Variants in PARD3B observed in about 807,000 individuals in gnomAD.
The protein encoded by PARD3B is partitioning defective 3 homolog B.
A neutral mutation model predicts 130.2 loss-of-function variants in PARD3B; 103 were observed. The ratio of observed to expected loss-of-function variants is 0.79; its 90% confidence interval spans 0.67 to 0.93. The LOEUF is 0.93. Ranked by LOEUF, PARD3B falls within the 40% of genes least tolerant of loss-of-function variation. The pLI, the probability that PARD3B is intolerant of heterozygous loss-of-function variation, is 0.00. For synonymous variants in PARD3B, 583 were observed against 553.2 expected (o/e 1.05, Z -0.76); for missense variants, 1,609 against 1,499.2 (o/e 1.07, Z -1.21).
chr2:204,759,504 A>G (rs1393107726), intron 2 of PARD3B, among the ~76,000 whole-genome samples: 1 of 152,090 alleles, frequency 6.6e-6, no homozygotes, highest in Non-Finnish European at 1.5e-5. Flanking sequence ...ATTATTTGAT[A>G]TATCTTGGAG....
At chr2:204,644,066 A>C (rs1209877427) in intron 1 of PARD3B, among the ~76,000 whole-genome samples, 2 of 152,150 alleles carry the variant, frequency 1.3e-5, no homozygotes, top group African/African-American at 4.8e-5. Flanking sequence ...TCTCTGAAGG[A>C]GGCTTGTTTT....
chr2:204,612,509 T>A (rs1283345772), intron 1 of PARD3B, among the ~76,000 whole-genome samples: 1 of 152,242 alleles, frequency 6.6e-6, no homozygotes, highest in Non-Finnish European at 1.5e-5. Flanking sequence ...TTTGATCTTC[T>A]TAGCTTTTCA....
intron 21 of PARD3B, among the ~76,000 whole-genome samples, chr2:205,511,943 T>G (rs1052590529): frequency 6.6e-6 from 1 of 152,220 alleles, no homozygotes; most frequent in Admixed American, 6.6e-5. Context: ...AGAGTCGTTC[T>G]GAGATTTAAC....
At chr2:205,548,072 T>C (rs2052453873) in intron 21 of PARD3B, among the ~76,000 whole-genome samples, 1 of 152,204 alleles carries the variant, frequency 6.6e-6, no homozygotes, top group Non-Finnish European at 1.5e-5. Flanking sequence ...CCTGGTTTTC[T>C]TCTGAACCAA....
intron 2 of PARD3B, among the ~76,000 whole-genome samples, chr2:204,783,223 C>T (rs144819576): frequency 1.3e-5 from 2 of 152,120 alleles, no homozygotes; most frequent in African/African-American, 4.8e-5. Flanking sequence ...TCAAACTGAC[C>T]CAAATGGAGG....
intron 1 of PARD3B, among the ~76,000 whole-genome samples, chr2:204,649,588 T>C (rs552386503): frequency 6.6e-6 from 1 of 151,514 alleles, no homozygotes; most frequent in African/African-American, 2.4e-5. Flanking sequence ...TGGAACAGAA[T>C]AGAGAGCCCA....
rs1174164857 is a variant in PARD3B at position 205,301,791 on chromosome 2, G to A, written c.2630+90G>A. The stretch of plus-strand genomic sequence containing the variant: ...TGTCTGTACTCAGAAAAAAGCGCAC[G>A]CTTTTCCTCGTCTTCAGCCAAATGC... On this transcript the variant is annotated intron_variant, in intron 18 of 22. Transcript: ENST00000406610. This position sits in a 1 kb window ranked among gnomAD's most constrained non-coding sequence, Gnocchi z 5.2. 1.6e-5 allele frequency: 26 copies of A among 1,596,830 alleles called. No individual in the cohort carries two copies. Among genetic ancestry groups the A allele is most frequent in the Middle Eastern group, 1.7e-4 (1 of 6,024 alleles).
At chr2:204,764,446 G>A (rs2041046162) in intron 2 of PARD3B, among the ~76,000 whole-genome samples, 1 of 152,092 alleles carries the variant, frequency 6.6e-6, no homozygotes, top group Admixed American at 6.6e-5. Context: ...TCCCTTTTCT[G>A]TGCCTGCAGC....
intron 21 of PARD3B, among the ~76,000 whole-genome samples, chr2:205,546,405 TA>T (rs2052381564): frequency 6.6e-6 from 1 of 151,022 alleles, no homozygotes; most frequent in South Asian, 2.1e-4. Context: ...GTCACTACAT[TA>T]AAAAGAAAAA....
rs557143420 is a variant in PARD3B, at chr2:204,820,071, C to CTTTTTT, written c.222+133805_222+133810dup. The stretch of plus-strand genomic sequence containing the variant: ...GAAGGTGGCTACATTAAACAATAGA[C>CTTTTTT]TTTTTTTTTTTTTTTTTTTTTGAGA... On this transcript the variant is annotated intron_variant, in intron 2 of 22. Coordinates refer to ENST00000406610, the MANE Select transcript of PARD3B (RefSeq NM_001302769.2). Among the ~76,000 whole-genome samples, 866 of 98,356 alleles carry CTTTTTT rather than the reference C, an allele frequency of 8.8e-3. 127 individuals carry two copies. Among genetic ancestry groups the CTTTTTT allele is most frequent in the African/African-American group, 0.036 (804 of 22,380 alleles). 64.5% of individuals were successfully genotyped at this position (98,356 alleles called of 152,430 possible). A position where few individuals can be genotyped will look rare whatever the true frequency, so the allele number is the denominator to read the frequency against.
intron 3 of PARD3B, among the ~76,000 whole-genome samples, chr2:204,985,192 TCCTG>T (rs1693028637): frequency 6.6e-6 from 1 of 152,040 alleles, no homozygotes; most frequent in Non-Finnish European, 1.5e-5. Context: ...CTTCCTTCCC[TCCTG>T]CCTGTTTTTT....
chr2:204,722,621 G>A (rs147114999), intron 2 of PARD3B, among the ~76,000 whole-genome samples: 2 of 152,260 alleles, frequency 1.3e-5, no homozygotes, highest in African/African-American at 2.4e-5. Flanking sequence ...AACTCTCATC[G>A]GTTGGACAGG....
At chr2:205,058,985 C>G (rs982223028) in intron 4 of PARD3B, among the ~76,000 whole-genome samples, 11 of 150,848 alleles carry the variant, frequency 7.3e-5, no homozygotes, top group South Asian at 2.1e-4. Context: ...TTTTGTATCA[C>G]ATCCAAGAAA....
At chr2:205,252,321 A>G (rs2039883863) in intron 16 of PARD3B, among the ~76,000 whole-genome samples, 1 of 152,232 alleles carries the variant, frequency 6.6e-6, no homozygotes, top group South Asian at 2.1e-4. Context: ...TACAAAGTAA[A>G]ATAAGACAAG....
chr2:205,479,611 T>G (rs1268289999), intron 20 of PARD3B, among the ~76,000 whole-genome samples: 1 of 152,218 alleles, frequency 6.6e-6, no homozygotes, highest in Non-Finnish European at 1.5e-5. Context: ...TTCTCCAGCT[T>G]CGTGACCATT....
chr2:204,859,046 G>A (rs2045074964), intron 2 of PARD3B, among the ~76,000 whole-genome samples: 2 of 151,870 alleles, frequency 1.3e-5, no homozygotes, highest in Admixed American at 6.6e-5. Flanking sequence ...AAATTAGAAT[G>A]TAAAATCTTA....
rs1326863988 is a variant in PARD3B, at chr2:205,022,512, T to G, written c.395-25069T>G. 3.9e-5 allele frequency among the ~76,000 whole-genome samples: 6 copies of G among 152,220 alleles called. 1 individual carries two copies. The highest frequency in any genetic ancestry group is 3.9e-4 in the Admixed American group (6 of 15,274). On this transcript the variant is annotated intron_variant, in intron 3 of 22. Coordinates refer to ENST00000406610, the MANE Select transcript of PARD3B (RefSeq NM_001302769.2). ...GAGTTTTTCCCCTTCAATATTGTTCTTTTTCTCTGTTTAGCAAATAATTTG... is the reference window on the plus strand; with the variant it reads ...GAGTTTTTCCCCTTCAATATTGTTCGTTTTCTCTGTTTAGCAAATAATTTG...
intron 2 of PARD3B, among the ~76,000 whole-genome samples, chr2:204,961,917 A>C (rs1213599253): frequency 6.6e-6 from 1 of 152,114 alleles, no homozygotes; most frequent in Non-Finnish European, 1.5e-5. Context: ...TCATTAAAGA[A>C]TGGGAGGAGA....
At chr2:205,231,246 G>A (rs942077580) in intron 15 of PARD3B, among the ~76,000 whole-genome samples, 1 of 151,932 alleles carries the variant, frequency 6.6e-6, no homozygotes, top group African/African-American at 2.4e-5. Context: ...TAAGACTTAA[G>A]TGGTCTTAGG....
Sources: allele counts gnomAD v4.1 joint callset (sites outside exome capture counted in the v4.1 genomes callset), GRCh38; gene constraint gnomAD v4.1.1; non-coding constraint Gnocchi (gnomAD v3.1); transcripts MANE v1.5; gene names NCBI Gene and HGNC (gene_info 2026-07-23, HGNC 2026-07-21).